Variants in POU6F2 observed in about 807,000 individuals in gnomAD.
POU6F2 encodes the protein POU class 6 homeobox 2.
POU6F2 carries 31 observed loss-of-function variants against 71.3 expected under a neutral mutation model. The observed-to-expected ratio is 0.43, with a 90% CI of 0.33 to 0.59. The LOEUF (loss-of-function observed/expected upper bound fraction) is 0.59, where lower values mean the gene tolerates loss of function less well. Among genes scored for constraint, POU6F2 ranks in the 20% least tolerant of loss-of-function variants. The probability of loss-of-function intolerance (pLI) is 0.04; values close to 1 mark genes in which losing one functional copy is unlikely to be tolerated. For synonymous variants in POU6F2, 347 were observed against 355.7 expected, an observed-to-expected ratio of 0.98 and a Z score of 0.27; for missense variants, 783 against 856.8, an observed-to-expected ratio of 0.91 and a Z score of 1.07.
intron 4 of POU6F2, among the ~76,000 whole-genome samples, chr7:39,327,774 C>T (rs1388468041): frequency 1.3e-5 from 2 of 150,772 alleles, no homozygotes; most frequent in Non-Finnish European, 2.9e-5. Flanking sequence ...ACAACAAAGA[C>T]AGTGACACCT....
At chr7:39,134,387 G>A (rs1792349253) in intron 2 of POU6F2, among the ~76,000 whole-genome samples, 1 of 152,174 alleles carries the variant, frequency 6.6e-6, no homozygotes, top group Non-Finnish European at 1.5e-5. Flanking sequence ...CTTAGGGGAT[G>A]CTGGTGCTGC....
intron 2 of POU6F2, among the ~76,000 whole-genome samples, chr7:39,188,677 A>ATCT (rs1562739064): frequency 6.6e-6 from 1 of 152,174 alleles, no homozygotes; most frequent in Non-Finnish European, 1.5e-5. Flanking sequence ...TATGTGAATG[A>ATCT]TCTTCCTGAA....
At chr7:39,037,115 G>A (rs1182362082) in intron 1 of POU6F2, among the ~76,000 whole-genome samples, 1 of 151,888 alleles carries the variant, frequency 6.6e-6, no homozygotes, top group Non-Finnish European at 1.5e-5. Flanking sequence ...GGCCTTTTGG[G>A]GAGGGTGAAT....
chr7:39,287,316 G>A (rs1427551273), intron 4 of POU6F2, among the ~76,000 whole-genome samples: 2 of 152,172 alleles, frequency 1.3e-5, no homozygotes, highest in Non-Finnish European at 2.9e-5. Flanking sequence ...GCTTGTGCGC[G>A]TGATATGGCT....
chr7:39,386,459 T>A (rs2115815448), intron 5 of POU6F2, among the ~76,000 whole-genome samples: 1 of 152,224 alleles, frequency 6.6e-6, no homozygotes, highest in South Asian at 2.1e-4. Context: ...AGAGTGCAGA[T>A]GAGGTTAGAA....
chr7:39,464,222 G>T lies in POU6F2; in HGVS notation c.1699G>T (p.Ala567Ser). Residue 567 changes from alanine (A) to serine (S), a missense_variant, in exon 10 of 10, where the codon GCC (alanine) becomes TCC (serine). Ala to Ser is a moderately conservative substitution (Grantham distance 99). Transcript: ENST00000518318. This position sits in a 1 kb window ranked among gnomAD's most constrained non-coding sequence, Gnocchi z 4.1. The part of the protein sequence containing the change: ...LRSHFFLPQE[A>S]QENTIASSLT... Reference sequence around the variant, plus strand: ...AAGCCACTTTTTCCTACCACAGGAAGCCCAAGAGAACACTATAGCTAGCAG... The same window carrying T: ...AAGCCACTTTTTCCTACCACAGGAATCCCAAGAGAACACTATAGCTAGCAG... 1.9e-6 allele frequency: 3 copies of T among 1,613,950 alleles called. No homozygotes were observed. Among genetic ancestry groups the T allele is most frequent in the Middle Eastern group, 1.6e-4 (1 of 6,062 alleles).
chr7:39,059,036 G>A (rs2128715586), intron 1 of POU6F2, among the ~76,000 whole-genome samples: 1 of 152,218 alleles, frequency 6.6e-6, no homozygotes, highest in Middle Eastern at 3.4e-3. Context: ...ACACCTTTTA[G>A]AAAGATGCTG....
chr7:39,098,713 A>C (rs570942545), intron 2 of POU6F2, among the ~76,000 whole-genome samples: 2 of 152,348 alleles, frequency 1.3e-5, no homozygotes, highest in East Asian at 3.9e-4. Context: ...CCATCTCTGC[A>C]TGGAGGTATT....
At chr7:39,078,521 T>G (rs1234108194) in intron 1 of POU6F2, among the ~76,000 whole-genome samples, 1 of 152,150 alleles carries the variant, frequency 6.6e-6, no homozygotes, top group Non-Finnish European at 1.5e-5. Context: ...AGCAGCAAAA[T>G]GCAGGGTGAA....
intron 1 of POU6F2, among the ~76,000 whole-genome samples, chr7:39,074,343 G>C (rs1019650931): frequency 7.2e-5 from 11 of 152,022 alleles, no homozygotes; most frequent in African/African-American, 2.7e-4. Context: ...AATTAGCTGG[G>C]TGTGGTGGCA....
Position 39,079,179 on chromosome 7 carries a change from T to C in POU6F2, c.106-6681T>C, listed in dbSNP as rs1380841793. Among the ~76,000 whole-genome samples, 3 of 128,272 alleles carry C rather than the reference T, an allele frequency of 2.3e-5. No homozygotes were observed. The Admixed American group carries it at 2.5e-4, about 11-fold the overall frequency. 84.2% of individuals were successfully genotyped at this position (128,272 alleles called of 152,430 possible). On this transcript the variant is annotated intron_variant, in intron 1 of 9. Coordinates refer to ENST00000518318, the MANE Select transcript of POU6F2 (RefSeq NM_001370959.1). ...ATTATCTCACTTGAGTCTCACAATA[T>C]CTTTTTTTTTTTTTTTTTTTTTTTT...
intron 5 of POU6F2, among the ~76,000 whole-genome samples, chr7:39,359,142 AG>A (rs571296905): frequency 1.3e-3 from 203 of 152,258 alleles, no homozygotes; most frequent in African/African-American, 4.4e-3. Flanking sequence ...GATTCCCTTA[AG>A]AAAATGATTT....
At chr7:39,331,763 G>A (rs896279165) in intron 4 of POU6F2, among the ~76,000 whole-genome samples, 4 of 152,154 alleles carry the variant, frequency 2.6e-5, no homozygotes, top group Non-Finnish European at 5.9e-5. Context: ...TGGCCGCCTC[G>A]GCCTCCCAGA....
At chr7:39,210,526 C>A (rs1562748247) in intron 4 of POU6F2, among the ~76,000 whole-genome samples, 1 of 152,312 alleles carries the variant, frequency 6.6e-6, no homozygotes. Context: ...CATCCCCTAT[C>A]AAGTCACACA....
At chr7:39,092,162 G>A (rs943523335) in intron 2 of POU6F2, among the ~76,000 whole-genome samples, 7 of 152,166 alleles carry the variant, frequency 4.6e-5, no homozygotes, top group Non-Finnish European at 1.0e-4. Flanking sequence ...ATACCAAACT[G>A]GCACCCTGTC....
intron 1 of POU6F2, among the ~76,000 whole-genome samples, chr7:39,031,049 C>T (rs931129444): frequency 6.6e-6 from 1 of 151,878 alleles, no homozygotes; most frequent in African/African-American, 2.4e-5. Flanking sequence ...TACAGGTGCC[C>T]ACCACCGCGT....
chr7:39,113,786 G>A (rs1330469938), intron 2 of POU6F2, among the ~76,000 whole-genome samples: 1 of 152,106 alleles, frequency 6.6e-6, no homozygotes, highest in Non-Finnish European at 1.5e-5. Flanking sequence ...TGAACACATG[G>A]AGTTGCTTAT....
chr7:39,406,981 C>T (rs1411616738), intron 6 of POU6F2, among the ~76,000 whole-genome samples: 1 of 152,092 alleles, frequency 6.6e-6, no homozygotes, highest in Non-Finnish European at 1.5e-5. Context: ...TGTACTATGA[C>T]TCATGTTATG....
chr7:39,197,125 T>C (rs1023591045), intron 2 of POU6F2, among the ~76,000 whole-genome samples: 2 of 152,116 alleles, frequency 1.3e-5, no homozygotes, highest in Non-Finnish European at 2.9e-5. Flanking sequence ...TGGAGGGGGC[T>C]TAGAGTTTCC....
Sources: allele counts gnomAD v4.1 joint callset (sites outside exome capture counted in the v4.1 genomes callset), GRCh38; gene constraint gnomAD v4.1.1; non-coding constraint Gnocchi (gnomAD v3.1); transcripts MANE v1.5; gene names NCBI Gene and HGNC (gene_info 2026-07-23, HGNC 2026-07-21).